AMZ1: variants seen among roughly 807,000 people sequenced by gnomAD.
AMZ1 encodes archaelysin family metallopeptidase 1, also known as archaemetzincin-1.
In AMZ1, 39 loss-of-function variants were observed where a neutral mutation model predicts 29.9. The observed-to-expected ratio is 1.30, with a 90% CI of 1.01 to 1.70. AMZ1 has a LOEUF of 1.70. Among genes scored for constraint, AMZ1 ranks in the 40% most tolerant of loss-of-function variants. The pLI is 0.00. For synonymous variants in AMZ1, 458 were observed against 304.0 expected (o/e 1.51, Z -5.27); for missense variants, 1,041 against 680.6 (o/e 1.53, Z -5.89).
At chr7:2,683,607 T>C (rs1786965129), upstream of AMZ1, among the ~76,000 whole-genome samples, 1 of 152,018 alleles carries the variant, frequency 6.6e-6, no homozygotes, top group Non-Finnish European at 1.5e-5. Context: ...CTGGCTAATT[T>C]TTTTATATTT....
At chr7:2,755,916 C>G (rs905235744) in intron 4 of AMZ1, among the ~76,000 whole-genome samples, 1 of 152,168 alleles carries the variant, frequency 6.6e-6, no homozygotes, top group South Asian at 2.1e-4. Context: ...AGATTGAATA[C>G]CAGTCTCAAT....
intron 4 of AMZ1, among the ~76,000 whole-genome samples, chr7:2,735,860 A>T (rs1406897938): frequency 6.6e-6 from 1 of 152,098 alleles, no homozygotes; most frequent in Non-Finnish European, 1.5e-5. Context: ...GGTGCCAGGG[A>T]CTGTGCCACA....
intron 4 of AMZ1, among the ~76,000 whole-genome samples, chr7:2,754,509 A>T (rs1268700893): frequency 1.3e-5 from 2 of 151,966 alleles, no homozygotes; most frequent in Non-Finnish European, 2.9e-5. Context: ...TTGGGAGGCC[A>T]GGGCAGGAAG....
At chr7:2,733,560 A>G in intron 4 of AMZ1, 1 of 1,366,686 alleles carries the variant, frequency 7.3e-7, no homozygotes, top group Non-Finnish European at 1.0e-6. Flanking sequence ...TGATGTGGCA[A>G]ATACAAGAAC....
rs1360514483 is a variant in AMZ1, at chr7:2,713,279, T to C, written c.*401T>C. The C allele has an allele frequency of 1.9e-5, 3 of 155,096 alleles. No homozygotes were observed. Among genetic ancestry groups the C allele is most frequent in the African/African-American group, 7.2e-5 (3 of 41,468 alleles). 9.6% of individuals were successfully genotyped at this position (155,096 alleles called of 1,614,324 possible). A position where few individuals can be genotyped will look rare whatever the true frequency, so the allele number is the denominator to read the frequency against. ...TTCTTTGGAGAAGCCACAGACCACC[T>C]GTCTTCAGGCGCCTCCTTCAACTCC... On this transcript the variant is annotated 3_prime_UTR_variant, in exon 7 of 7. Coordinates refer to ENST00000683327, the MANE Select transcript of AMZ1 (RefSeq NM_001384743.1).
chr7:2,698,235 C>CAAAACAAAA (rs1787852362), intron 1 of AMZ1, among the ~76,000 whole-genome samples: 1 of 151,896 alleles, frequency 6.6e-6, no homozygotes, highest in Admixed American at 6.6e-5. Flanking sequence ...AAAAACAAAA[C>CAAAACAAAA]AAAAAACAAG....
At chr7:2,758,540 A>G (rs1791408239) in intron 4 of AMZ1, among the ~76,000 whole-genome samples, 1 of 151,944 alleles carries the variant, frequency 6.6e-6, no homozygotes, top group South Asian at 2.1e-4. Context: ...ATCTCCTGTG[A>G]TTGGGCGACT....
At chr7:2,757,296 G>A (rs935961490) in intron 4 of AMZ1, among the ~76,000 whole-genome samples, 7 of 151,692 alleles carry the variant, frequency 4.6e-5, no homozygotes, top group East Asian at 1.9e-4. Flanking sequence ...CACCATGCCC[G>A]GCTAATTTTT....
intron 4 of AMZ1, chr7:2,729,984 GCA>G (rs1048945128): frequency 1.3e-5 from 2 of 152,374 alleles, no homozygotes; most frequent in African/African-American, 4.8e-5. Flanking sequence ...TCTTCTGCAA[GCA>G]CAGTCATAGA....
intron 1 of AMZ1, among the ~76,000 whole-genome samples, chr7:2,694,228 C>A (rs1486121968): frequency 1.3e-5 from 2 of 152,208 alleles, no homozygotes; most frequent in East Asian, 3.8e-4. Context: ...GAACAGACGG[C>A]AGAGGGAGGA....
At chr7:2,685,052 G>T (rs933849178), upstream of AMZ1, among the ~76,000 whole-genome samples, 1 of 151,672 alleles carries the variant, frequency 6.6e-6, no homozygotes, top group East Asian at 2.0e-4. Context: ...TGTATCTTTA[G>T]TAAAGATGGA....
Position 2,713,410 on chromosome 7 carries a change from G to A in AMZ1, c.*532G>A, listed in dbSNP as rs1010080282. 1 of 152,602 alleles carries A rather than the reference G, an allele frequency of 6.6e-6. No individual in the cohort carries two copies. Among genetic ancestry groups the A allele is most frequent in the African/African-American group, 2.4e-5 (1 of 41,462 alleles). The allele number at this position is 152,602 out of a possible 1,614,324, so 9.5% of individuals were successfully genotyped here. A position where few individuals can be genotyped will look rare whatever the true frequency, so the allele number is the denominator to read the frequency against. ...GCCGGACTGTGCTGAGGTTGGGACAGAGCCCCCTCCCCTGCAGAGGCAGAA... is the reference window on the plus strand; with the variant it reads ...GCCGGACTGTGCTGAGGTTGGGACAAAGCCCCCTCCCCTGCAGAGGCAGAA... On this transcript the variant is annotated 3_prime_UTR_variant, in exon 7 of 7. Coordinates refer to ENST00000683327, the MANE Select transcript of AMZ1 (RefSeq NM_001384743.1).
chr7:2,708,478 A>G (rs1449062697), intron 3 of AMZ1, 110 bp from the exon 4 acceptor site: 8 of 1,509,506 alleles, frequency 5.3e-6, no homozygotes, highest in Non-Finnish European at 7.1e-6. Flanking sequence ...CTGACTTGGG[A>G]AGGGGCAGGG....
At chr7:2,711,920 C>CT (rs1251666197) in intron 6 of AMZ1, among the ~76,000 whole-genome samples, 2 of 152,082 alleles carry the variant, frequency 1.3e-5, no homozygotes, top group Non-Finnish European at 2.9e-5. Flanking sequence ...TGGCAGGAAC[C>CT]TGTAAAATCC....
chr7:2,743,891 G>A (rs961331746), intron 4 of AMZ1, among the ~76,000 whole-genome samples: 1 of 152,040 alleles, frequency 6.6e-6, no homozygotes, highest in Non-Finnish European at 1.5e-5. Context: ...CTGGCTCGGA[G>A]GGTCCTACAC....
At chr7:2,680,468 G>A (rs1460242113) in intron 1 of AMZ1, among the ~76,000 whole-genome samples, 3 of 152,174 alleles carry the variant, frequency 2.0e-5, no homozygotes, top group South Asian at 4.1e-4. Context: ...CCTGGGCCGC[G>A]AAGCCTCAAG....
Position 2,707,633 on chromosome 7 carries a change from G to A in AMZ1, c.473-955G>A, listed in dbSNP as rs10246199. ...TCTCACAGTGCTGTGGGTCAGGAGC[G>A]CCCCCACTGCCCAGGCTAAAGTCAA... On this transcript the variant is annotated intron_variant, in intron 3 of 6. Coordinates refer to ENST00000683327, the MANE Select transcript of AMZ1 (RefSeq NM_001384743.1). Among the ~76,000 whole-genome samples the A allele has an allele frequency of 7.2e-3, 1,091 of 152,008 alleles. 16 individuals are homozygous for A. Among genetic ancestry groups the A allele is most frequent in the African/African-American group, 0.025 (1,048 of 41,456 alleles).
intron 4 of AMZ1, among the ~76,000 whole-genome samples, chr7:2,727,331 C>CG (rs1271815972): frequency 1.3e-5 from 2 of 152,182 alleles, no homozygotes; most frequent in African/African-American, 4.8e-5. Context: ...CCGCTCGCCT[C>CG]GGACTCTCAA....
intron 4 of AMZ1, among the ~76,000 whole-genome samples, chr7:2,750,775 T>C (rs950051774): frequency 9.2e-5 from 14 of 152,176 alleles, no homozygotes; most frequent in African/African-American, 2.7e-4. Context: ...GCATGTCCCA[T>C]AGTGTGAAGA....
Sources: allele counts gnomAD v4.1 joint callset (sites outside exome capture counted in the v4.1 genomes callset), GRCh38; gene constraint gnomAD v4.1.1; transcripts MANE v1.5; gene names NCBI Gene and HGNC (gene_info 2026-07-23, HGNC 2026-07-21).